Variants in CREBBP observed in about 807,000 individuals in gnomAD.
The protein encoded by CREBBP is CREB binding lysine acetyltransferase.
Under a neutral mutation model 265.0 loss-of-function variants are expected in CREBBP, and 19 were observed. That is an observed-to-expected ratio of 0.07 (90% confidence interval 0.05 to 0.11). CREBBP has a LOEUF of 0.11. Among genes scored for constraint, CREBBP ranks in the 10% least tolerant of loss-of-function variants. The pLI is 1.00. For missense variants in CREBBP, 2,525 were observed against 3,219.0 expected (o/e 0.78, Z 5.22); for synonymous variants, 1,457 against 1,223.7 (o/e 1.19, Z -3.98).
At chr16:3,770,423 T>C (rs560969370) in intron 14 of CREBBP, 147 bp downstream of exon 14, 6 of 959,698 alleles carry the variant, frequency 6.3e-6, no homozygotes, top group South Asian at 1.3e-5. Flanking sequence ...CTTGAACTCA[T>C]GGGCTCAAGT....
intron 2 of CREBBP, among the ~76,000 whole-genome samples, chr16:3,833,132 G>T (rs894560908): frequency 6.6e-6 from 1 of 152,208 alleles, no homozygotes; most frequent in Non-Finnish European, 1.5e-5. Flanking sequence ...CATTGTGCTG[G>T]CCAGGCACGG....
intron 6 of CREBBP, 70 bp downstream of exon 6, chr16:3,782,614 G>A (rs1235443368): frequency 6.4e-7 from 1 of 1,571,716 alleles, no homozygotes; most frequent in Non-Finnish European, 8.6e-7. Flanking sequence ...AACTGCCTTG[G>A]GTTCCATCAC....
intron 25 of CREBBP, 122 bp downstream of exon 25, chr16:3,739,456 G>C: frequency 8.7e-7 from 1 of 1,150,062 alleles, no homozygotes; most frequent in Non-Finnish European, 1.3e-6. Context: ...TTAGTTAATT[G>C]TGGTTTCATT....
At chr16:3,875,791 T>G (rs750169325) in intron 1 of CREBBP, among the ~76,000 whole-genome samples, 1 of 152,192 alleles carries the variant, frequency 6.6e-6, no homozygotes, top group Non-Finnish European at 1.5e-5. Flanking sequence ...GCATCTTCCC[T>G]TCCTCACAGG....
intron 5 of CREBBP, among the ~76,000 whole-genome samples, chr16:3,787,736 T>C (rs1485614768): frequency 6.6e-6 from 1 of 152,130 alleles, no homozygotes; most frequent in Non-Finnish European, 1.5e-5. Flanking sequence ...CTTGGCTCAC[T>C]GCAACCTCTG....
In CREBBP at chr16:3,728,084, G is replaced by C. The variant is rs2151300161; in HGVS notation, c.6963C>G (p.Leu2321=). Residue 2321 remains leucine, a synonymous_variant, in exon 31 of 31, where the codon CTC becomes CTG. Transcript: ENST00000262367. This position sits in a 1 kb window ranked among gnomAD's most constrained non-coding sequence, Gnocchi z 8.7. The part of the protein sequence containing the change: ...PNPMSPQQHM[L]SGQPQASHLP... ...GATGCGAGGCCTGTGGCTGTCCTGAGAGCATGTGTTGCTGGGGGCTCATGG... is the reference window on the plus strand; with the variant it reads ...GATGCGAGGCCTGTGGCTGTCCTGACAGCATGTGTTGCTGGGGGCTCATGG... The C allele has an allele frequency of 6.2e-7, 1 of 1,614,202 alleles. No homozygotes were observed.
chr16:3,731,490 G>T lies in CREBBP; in HGVS notation c.4891-17C>A. The T allele has an allele frequency of 6.4e-7, 1 of 1,569,560 alleles. No homozygotes were observed. On this transcript the variant is annotated splice_polypyrimidine_tract_variant and intron_variant, in intron 29 of 30. Transcript: ENST00000262367. This position sits in a 1 kb window ranked among gnomAD's most constrained non-coding sequence, Gnocchi z 7.7. ...GAAGAAGACCTGCAGGAGAGGAGGG[G>T]CTTTAGTCCCACACAAGGGACATGG...
In CREBBP at chr16:3,782,958, C is replaced by A. The variant is rs130025; in HGVS notation, c.1331-32G>T. On this transcript the variant is annotated intron_variant, in intron 5 of 30. Coordinates refer to ENST00000262367, the MANE Select transcript of CREBBP (RefSeq NM_004380.3). ...CGACAAACAGACAGACAGACAAAAA[C>A]GAGAGGTAAGTAAAAGGGAGAAGCC... The A allele has an allele frequency of 0.025, 40,002 of 1,613,734 alleles. 3,179 individuals carry two copies. The African/African-American group carries it at 0.28, about 11-fold the overall frequency.
rs2054749355 is a variant in CREBBP at position 3,849,427 on chromosome 16, GTGT to G, written c.798+867_798+869del. 1.5e-3 allele frequency among the ~76,000 whole-genome samples: 24 copies of G among 16,388 alleles called. 1 individual carries two copies. Among genetic ancestry groups the G allele is most frequent in the South Asian group, 3.4e-3 (1 of 296 alleles). The allele number at this position is 16,388 out of a possible 152,430, so 10.8% of individuals were successfully genotyped here. ...TGTGTGTGTGTGTGTGTGTGTGTGTGTGTGTGTGTGTGTGTGTGTGTGTGTGTG... is the reference window on the plus strand; with the variant it reads ...TGTGTGTGTGTGTGTGTGTGTGTGTGGTGTGTGTGTGTGTGTGTGTGTGTG... On this transcript the variant is annotated intron_variant, in intron 2 of 30. Coordinates refer to ENST00000262367, the MANE Select transcript of CREBBP (RefSeq NM_004380.3).
chr16:3,840,170 ATTTC>A (rs1401270318), intron 2 of CREBBP, among the ~76,000 whole-genome samples: 1 of 152,220 alleles, frequency 6.6e-6, no homozygotes, highest in Non-Finnish European at 1.5e-5. Context: ...AAATTCCCTT[ATTTC>A]TTTGTGTTAA....
intron 1 of CREBBP, among the ~76,000 whole-genome samples, chr16:3,867,947 A>T (rs549197192): frequency 3.9e-4 from 59 of 152,068 alleles, no homozygotes; most frequent in African/African-American, 1.3e-3. Flanking sequence ...AAATAAATTT[A>T]AAAAAATAGA....
rs2151307787 is a variant in CREBBP, at chr16:3,729,200, G to GGCC, written c.5844_5846dup (p.Ala1949dup). On this transcript the variant is annotated inframe_insertion, in exon 31 of 31. Coordinates refer to ENST00000262367, the MANE Select transcript of CREBBP (RefSeq NM_004380.3). ...CTTCCACCGCTGCAGGAGGGGGCTGGGCCGGGGGTGGGGGGGCCGGCACCT... is the reference window on the plus strand; with the variant it reads ...CTTCCACCGCTGCAGGAGGGGGCTGGGCCGCCGGGGGTGGGGGGGCCGGCACCT... The GGCC allele has an allele frequency of 6.5e-7, 1 of 1,531,128 alleles. No homozygotes were observed. Among genetic ancestry groups the GGCC allele is most frequent in the Non-Finnish European group, 8.7e-7 (1 of 1,144,372 alleles). The allele number at this position is 1,531,128 out of a possible 1,614,324, so 94.8% of individuals were successfully genotyped here. A position where few individuals can be genotyped will look rare whatever the true frequency, so the allele number is the denominator to read the frequency against.
chr16:3,855,500 G>C (rs2054942256), intron 1 of CREBBP, among the ~76,000 whole-genome samples: 1 of 152,154 alleles, frequency 6.6e-6, no homozygotes, highest in Non-Finnish European at 1.5e-5. Context: ...TCTGACCTCA[G>C]GTGATCCGCC....
intron 2 of CREBBP, among the ~76,000 whole-genome samples, chr16:3,832,026 A>G (rs968602335): frequency 2.6e-5 from 4 of 152,080 alleles, no homozygotes; most frequent in Non-Finnish European, 5.9e-5. Context: ...AAAAAAAAGA[A>G]AAGAGTAGAG....
chr16:3,746,499 A>G (rs772398733), intron 21 of CREBBP, among the ~76,000 whole-genome samples: 12 of 152,090 alleles, frequency 7.9e-5, no homozygotes, highest in Non-Finnish European at 1.6e-4. Flanking sequence ...ATCCTCCACA[A>G]GCTCTGTCTT....
Position 3,850,689 on chromosome 16 carries a change from G to C in CREBBP, c.406C>G (p.Gln136Glu), listed in dbSNP as rs121434624. Residue 136 changes from glutamine to glutamate, a missense_variant, in exon 2 of 31, where the codon CAG becomes GAG. Transcript: ENST00000262367. ...GDSSAPSLPK[Q>E]AASTSGPTPA... is the part of the protein sequence containing the mutation. The stretch of plus-strand genomic sequence containing the variant: ...GTGGGCCCAGAGGTGCTGGCTGCCT[G>C]TTTAGGCAGGCTGGGGGCTGAAGAA... 1 of 1,614,170 alleles carries C rather than the reference G, an allele frequency of 6.2e-7. No individual in the cohort carries two copies. Among genetic ancestry groups the C allele is most frequent in the East Asian group, 2.2e-5 (1 of 44,878 alleles).
Position 3,728,608 on chromosome 16 carries a change from C to A in CREBBP, c.6439G>T (p.Ala2147Ser). 6.2e-7 allele frequency: 1 copy of A among 1,613,740 alleles called. No homozygotes were observed. The highest frequency in any genetic ancestry group is 8.5e-7 in the Non-Finnish European group (1 of 1,179,960). ...PSLQNLNAMQ[A>S]GVPRPGVPPQ... Reference sequence around the variant, plus strand: ...GGCACACCGGGCCGCGGCACGCCAGCCTGCATGGCATTCAGGTTCTGCAGG... The same window carrying A: ...GGCACACCGGGCCGCGGCACGCCAGACTGCATGGCATTCAGGTTCTGCAGG... The change falls in exon 31 of 31, where the codon GCT (alanine) becomes TCT (serine). Residue 2147 changes from alanine (A) to serine (S), a missense_variant. Ala to Ser is a moderately conservative substitution (Grantham distance 99, BLOSUM62 1). Around this residue, in one of 19 missense-constraint regions of CREBBP, gnomAD observed 473 missense variants for 459.3 expected, o/e 1.03. Transcript: ENST00000262367. The surrounding 1 kb of genome is among the most constrained non-coding windows in gnomAD (Gnocchi z 8.7).
chr16:3,875,929 T>C (rs1436971151), intron 1 of CREBBP, among the ~76,000 whole-genome samples: 1 of 152,202 alleles, frequency 6.6e-6, no homozygotes, highest in Non-Finnish European at 1.5e-5. Context: ...TAAGCTTCCC[T>C]ATTGCATTTA....
intron 3 of CREBBP, among the ~76,000 whole-genome samples, chr16:3,794,093 C>T (rs369447202): frequency 1.7e-4 from 26 of 151,514 alleles, no homozygotes; most frequent in Middle Eastern, 6.4e-3. Flanking sequence ...TCTGGGAGGC[C>T]GAGGCAGGCG....
Sources: allele counts gnomAD v4.1 joint callset (sites outside exome capture counted in the v4.1 genomes callset), GRCh38; gene constraint gnomAD v4.1.1; regional missense constraint gnomAD v4.1.1; non-coding constraint Gnocchi (gnomAD v3.1); transcripts MANE v1.5; gene names NCBI Gene and HGNC (gene_info 2026-07-23, HGNC 2026-07-21).